The following IFNLR1 variants were observed in gnomAD, a reference collection of about 807,000 sequenced individuals.
The protein encoded by IFNLR1 is CRF2-12.
A neutral mutation model predicts 52.5 loss-of-function variants in IFNLR1; 28 were observed. That is an observed-to-expected ratio of 0.53 (90% CI 0.40 to 0.73). The LOEUF is 0.73. Ranked by LOEUF, IFNLR1 falls within the 30% of genes least tolerant of loss-of-function variation. IFNLR1 has a pLI of 0.00. For synonymous variants in IFNLR1, 276 were observed against 274.9 expected (o/e 1.00, Z -0.04); for missense variants, 623 against 659.1 (o/e 0.95, Z 0.60).
intron 1 of IFNLR1, among the ~76,000 whole-genome samples, chr1:24,184,946 T>C (rs1235522377): frequency 2.0e-5 from 3 of 151,992 alleles, no homozygotes; most frequent in Non-Finnish European, 2.9e-5. Context: ...TTGAACCCGA[T>C]AGGTGGAGGT....
intron 1 of IFNLR1, 103 bp downstream of exon 1, chr1:24,187,088 C>T (rs1569714386): frequency 2.8e-6 from 2 of 710,488 alleles, no homozygotes; most frequent in African/African-American, 1.9e-5. Context: ...GCTCGGGTGG[C>T]TGCGGACCCC....
chr1:24,176,537 G>A (rs981306723), intron 2 of IFNLR1, among the ~76,000 whole-genome samples: 1 of 152,154 alleles, frequency 6.6e-6, no homozygotes, highest in Admixed American at 6.5e-5. Context: ...AATTCAGCAC[G>A]GCAAGCTATG....
chr1:24,175,993 T>C (rs1240261273), intron 2 of IFNLR1, among the ~76,000 whole-genome samples: 2 of 150,556 alleles, frequency 1.3e-5, no homozygotes, highest in Admixed American at 6.6e-5. Context: ...GTATTTTGCA[T>C]ATGAAAAGGA....
intron 3 of IFNLR1, among the ~76,000 whole-genome samples, chr1:24,167,839 C>T (rs576613333): frequency 7.6e-4 from 116 of 152,186 alleles, no homozygotes; most frequent in African/African-American, 2.4e-3. Context: ...GGACTACAGG[C>T]GCACATCATC....
At chr1:24,176,120 T>C (rs113488568) in intron 2 of IFNLR1, among the ~76,000 whole-genome samples, 39 of 152,250 alleles carry the variant, frequency 2.6e-4, no homozygotes, top group African/African-American at 7.7e-4. Context: ...ACAAATGTCA[T>C]ACATAGTCAT....
At chr1:24,160,757 C>T (rs1015038693) in intron 4 of IFNLR1, among the ~76,000 whole-genome samples, 2 of 152,168 alleles carry the variant, frequency 1.3e-5, no homozygotes, top group Admixed American at 6.5e-5. Flanking sequence ...GAGACAAGGT[C>T]TCACTCTGTT....
intron 2 of IFNLR1, among the ~76,000 whole-genome samples, chr1:24,175,036 T>C (rs1644618280): frequency 6.6e-6 from 1 of 152,208 alleles, no homozygotes; most frequent in Non-Finnish European, 1.5e-5. Flanking sequence ...CAGCTTTGAC[T>C]AAAGGGGACA....
At chr1:24,181,419 C>G (rs1218092733) in intron 1 of IFNLR1, among the ~76,000 whole-genome samples, 1 of 152,222 alleles carries the variant, frequency 6.6e-6, no homozygotes, top group Non-Finnish European at 1.5e-5. Context: ...TCCCGGCAAA[C>G]TGGGCTCCCC....
rs777122633 is a variant in IFNLR1, at chr1:24,169,479, G to A, written c.305C>T (p.Thr102Met). 56 of 1,614,078 alleles carry A rather than the reference G, an allele frequency of 3.5e-5. 1 individual carries two copies. In the South Asian group the frequency reaches 4.7e-4, roughly 14 times the overall value. The change falls in exon 3 of 7, where the codon ACG becomes ATG. Residue 102 changes from threonine to methionine, a missense_variant. Transcript: ENST00000327535. ...LYNKFKGRVR[T>M]VSPSSKSPWV... ...GGGGGACTTGGAGCTGGGAGAAACC[G>A]TCCGCACGCGTCCCTTGAACTTGTT...
intron 3 of IFNLR1, among the ~76,000 whole-genome samples, chr1:24,162,800 C>T (rs1173230782): frequency 0.018 from 1,101 of 62,126 alleles, 127 homozygotes; most frequent in East Asian, 0.028. Flanking sequence ...TTCTTTCTTT[C>T]TTTTTTCTTT....
At chr1:24,178,054 G>A (rs1041614957) in intron 2 of IFNLR1, among the ~76,000 whole-genome samples, 1 of 152,124 alleles carries the variant, frequency 6.6e-6, no homozygotes, top group Middle Eastern at 3.2e-3. Context: ...GGAGGCCGAG[G>A]GGGGCAGATC....
intron 5 of IFNLR1, 117 bp from the exon 6 acceptor site, chr1:24,159,299 C>A: frequency 7.3e-7 from 1 of 1,377,798 alleles, no homozygotes; most frequent in Non-Finnish European, 1.0e-6. Context: ...TAAACCCATC[C>A]TGCAGACTGT....
intron 4 of IFNLR1, 93 bp from the exon 5 acceptor site, chr1:24,159,726 G>GTTTTTTTTTGTTTTTTTTTTTGTTT: frequency 1.3e-6 from 1 of 761,910 alleles, no homozygotes; most frequent in Non-Finnish European, 2.0e-6. Context: ...ATGGTAGGGT[G>GTTTTTTTTTGTTTTTTTTTTTGTTT]TTTTTTTTTT....
At chr1:24,160,046 G>GA (rs1417567004) in intron 4 of IFNLR1, among the ~76,000 whole-genome samples, 2 of 152,198 alleles carry the variant, frequency 1.3e-5, no homozygotes, top group Non-Finnish European at 1.5e-5. Context: ...AAGCATTGAG[G>GA]AAGCACTTCC....
At chr1:24,179,140 G>T (rs375238871) in intron 2 of IFNLR1, among the ~76,000 whole-genome samples, 1 of 151,536 alleles carries the variant, frequency 6.6e-6, no homozygotes, top group South Asian at 2.1e-4. Context: ...GTAGAGACAG[G>T]GTTTCACCAT....
intron 2 of IFNLR1, among the ~76,000 whole-genome samples, chr1:24,175,100 G>A (rs1644618838): frequency 6.6e-6 from 1 of 152,236 alleles, no homozygotes; most frequent in Non-Finnish European, 1.5e-5. Flanking sequence ...CTAAAGAAAG[G>A]GACAAGAGCT....
intron 2 of IFNLR1, among the ~76,000 whole-genome samples, chr1:24,179,926 T>C (rs1033238023): frequency 4.6e-5 from 7 of 152,220 alleles, no homozygotes; most frequent in African/African-American, 1.7e-4. Flanking sequence ...ATGGTGGATC[T>C]GCTTCCATTG....
At position 24,182,896 on chromosome 1, in the gene IFNLR1, G is replaced by T. The variant is rs1381059211; in HGVS notation, c.59-2042C>A. Among the ~76,000 whole-genome samples, 3 of 152,036 alleles carry T rather than the reference G, an allele frequency of 2.0e-5. No individual in the cohort carries two copies. The East Asian group carries it at 5.8e-4, about 29-fold the overall frequency. ...GATCACACCACTGTACTCCAGCCTG[G>T]TGACACAGTGAGACTCCATCTCAAA... On this transcript the variant is annotated intron_variant, in intron 1 of 6. Coordinates refer to ENST00000327535, the MANE Select transcript of IFNLR1 (RefSeq NM_170743.4).
At chr1:24,173,963 G>A (rs970452862) in intron 2 of IFNLR1, among the ~76,000 whole-genome samples, 1 of 152,116 alleles carries the variant, frequency 6.6e-6, no homozygotes, top group Non-Finnish European at 1.5e-5. Context: ...GCCCTATTAT[G>A]GACGAATTGA....
Sources: gnomAD v4.1 joint callset for allele counts (sites outside exome capture counted in the v4.1 genomes callset) on GRCh38, gnomAD v4.1.1 for gene constraint, MANE v1.5 for transcripts, NCBI Gene and HGNC (gene_info 2026-07-23, HGNC 2026-07-21) for gene names.